SPTBN1: variants seen among roughly 807,000 people sequenced by gnomAD.
The protein encoded by SPTBN1 is spectrin beta chain, non-erythrocytic 1.
Under a neutral mutation model 266.4 loss-of-function variants are expected in SPTBN1, and 32 were observed. That is an observed-to-expected ratio of 0.12 (90% confidence interval 0.09 to 0.16). The LOEUF (loss-of-function observed/expected upper bound fraction) is 0.16. Ranked by LOEUF, SPTBN1 falls within the 10% of genes least tolerant of loss-of-function variation. The pLI is 1.00. For synonymous variants in SPTBN1, 1,336 were observed against 1,162.2 expected, an observed-to-expected ratio of 1.15 and a Z score of -3.04; for missense variants, 2,296 against 3,067.1, an observed-to-expected ratio of 0.75 and a Z score of 5.94.
chr2:54,608,484 A>C (rs1391382505), intron 3 of SPTBN1, among the ~76,000 whole-genome samples: 7 of 152,160 alleles, frequency 4.6e-5, no homozygotes, highest in Admixed American at 2.6e-4. Context: ...ATGATGGGTC[A>C]CAGGCTGAGT....
chr2:54,614,860 T>C (rs764270388), intron 4 of SPTBN1, among the ~76,000 whole-genome samples: 12 of 152,114 alleles, frequency 7.9e-5, no homozygotes, highest in Middle Eastern at 3.4e-3. Context: ...TTGCCTAGTT[T>C]AAATAGGGAG....
In SPTBN1 at chr2:54,668,697, A is replaced by G; in HGVS notation, c.*128A>G. On this transcript the variant is annotated 3_prime_UTR_variant, in exon 36 of 36. Transcript: ENST00000356805. The stretch of plus-strand genomic sequence containing the variant: ...TGTGGTTGATTTTTTTTTTTTTTTA[A>G]TTTATAGAGCATTTCGGGGGGGGTG... The G allele has an allele frequency of 1.4e-6, 1 of 729,312 alleles. No homozygotes were observed. 45.2% of individuals were successfully genotyped at this position (729,312 alleles called of 1,614,324 possible).
chr2:54,521,870 T>A (rs1463406440), intron 1 of SPTBN1, among the ~76,000 whole-genome samples: 1 of 152,112 alleles, frequency 6.6e-6, no homozygotes, highest in African/African-American at 2.4e-5. Flanking sequence ...ATAATTTGGA[T>A]ACTTTGACTT....
At chr2:54,543,334 T>G (rs1672045749) in intron 2 of SPTBN1, among the ~76,000 whole-genome samples, 1 of 152,220 alleles carries the variant, frequency 6.6e-6, no homozygotes, top group African/African-American at 2.4e-5. Flanking sequence ...ATTATAACAT[T>G]TCATTATGGA....
At position 54,533,868 on chromosome 2, in the gene SPTBN1, G is replaced by T. The variant is rs187831841; in HGVS notation, c.148+7302G>T. On this transcript the variant is annotated intron_variant, in intron 2 of 35. Coordinates refer to ENST00000356805, the MANE Select transcript of SPTBN1 (RefSeq NM_003128.3). The surrounding 1 kb of genome is among the most constrained non-coding windows in gnomAD (Gnocchi z 4.2). ...GCCCGGCCTGCTGTAGTAATTTAGG[G>T]GGAAAGATTGATCTCTCTCTCTGTC... Among the ~76,000 whole-genome samples the T allele has an allele frequency of 6.6e-6, 1 of 151,424 alleles. No homozygotes were observed. Among genetic ancestry groups the T allele is most frequent in the Admixed American group, 6.6e-5 (1 of 15,204 alleles).
intron 2 of SPTBN1, among the ~76,000 whole-genome samples, chr2:54,575,941 T>G (rs546837717): frequency 1.3e-5 from 2 of 151,546 alleles, no homozygotes; most frequent in African/African-American, 4.9e-5. Flanking sequence ...GTTGGATGAG[T>G]GGTTAAAGCA....
In SPTBN1 at chr2:54,522,699, GAA is replaced by G. The variant is rs1491211093; in HGVS notation, c.-47-3671_-47-3670del. ...GAGAGGAGAGAGAGAGAGAGAGAGAGAAAGAAAGAAAGGAAAGAAAGAAAGAA... is the reference window on the plus strand; with the variant it reads ...GAGAGGAGAGAGAGAGAGAGAGAGAGAGAAAGAAAGGAAAGAAAGAAAGAA... On this transcript the variant is annotated intron_variant, in intron 1 of 35. Coordinates refer to ENST00000356805, the MANE Select transcript of SPTBN1 (RefSeq NM_003128.3). Among the ~76,000 whole-genome samples, 10 of 131,576 alleles carry G rather than the reference GAA, an allele frequency of 7.6e-5. 1 individual carries two copies. The highest frequency in any genetic ancestry group is 2.4e-4 in the South Asian group (1 of 4,218). The allele number at this position is 131,576 out of a possible 152,430, so 86.3% of individuals were successfully genotyped here.
At chr2:54,503,955 G>A (rs1173169366) in intron 1 of SPTBN1, among the ~76,000 whole-genome samples, 2 of 152,190 alleles carry the variant, frequency 1.3e-5, no homozygotes, top group East Asian at 3.8e-4. Flanking sequence ...TTCAGGTGTA[G>A]TATTTTGATT....
chr2:54,600,291 G>C (rs1676409531), intron 3 of SPTBN1, among the ~76,000 whole-genome samples: 1 of 152,156 alleles, frequency 6.6e-6, no homozygotes, highest in Non-Finnish European at 1.5e-5. Context: ...TCTCTTCCCT[G>C]CCCTTCAGTT....
At chr2:54,612,031 T>C (rs1233028539) in intron 3 of SPTBN1, 130 bp from the exon 4 acceptor site, 1 of 906,998 alleles carries the variant, frequency 1.1e-6, no homozygotes, top group Non-Finnish European at 1.7e-6. Context: ...AATGAGTACA[T>C]GTGTTTGTTA....
rs1245216768 is a variant in SPTBN1 at position 54,664,862 on chromosome 2, G to A, written c.6659+171G>A. 1.5e-6 allele frequency: 1 copy of A among 680,020 alleles called. No homozygotes were observed. Among genetic ancestry groups the A allele is most frequent in the Non-Finnish European group, 2.4e-6 (1 of 412,728 alleles). 42.1% of individuals were successfully genotyped at this position (680,020 alleles called of 1,614,324 possible). On this transcript the variant is annotated intron_variant, in intron 33 of 35. Coordinates refer to ENST00000356805, the MANE Select transcript of SPTBN1 (RefSeq NM_003128.3). This position sits in a 1 kb window ranked among gnomAD's most constrained non-coding sequence, Gnocchi z 5.6. ...TGACGCTGGAAAGCAGGAGTAGAAT[G>A]CTGGTTATTCACTGAGAGAAGAAGA...
At chr2:54,584,656 A>C (rs1675163965) in intron 2 of SPTBN1, among the ~76,000 whole-genome samples, 1 of 152,144 alleles carries the variant, frequency 6.6e-6, no homozygotes, top group Non-Finnish European at 1.5e-5. Flanking sequence ...AGCCCTTCCC[A>C]CCCAGATCCA....
intron 2 of SPTBN1, chr2:54,535,037 T>TA (rs1378871605): frequency 6.6e-6 from 1 of 152,252 alleles, no homozygotes; most frequent in African/African-American, 2.4e-5. Context: ...GTCACTCACT[T>TA]ACTTTTGAGG....
chr2:54,478,238 T>A (rs903566093), intron 1 of SPTBN1, among the ~76,000 whole-genome samples: 23 of 152,220 alleles, frequency 1.5e-4, no homozygotes, highest in Middle Eastern at 3.4e-3. Context: ...TTTCACTCTC[T>A]TATGAGAACG....
chr2:54,574,577 G>C (rs1674328597), intron 2 of SPTBN1, among the ~76,000 whole-genome samples: 1 of 152,204 alleles, frequency 6.6e-6, no homozygotes, highest in Admixed American at 6.5e-5. Flanking sequence ...TTCTCACCCA[G>C]GGTCAGAAAG....
chr2:54,488,921 G>A (rs1158775524), intron 1 of SPTBN1, among the ~76,000 whole-genome samples: 1 of 151,944 alleles, frequency 6.6e-6, no homozygotes, highest in Non-Finnish European at 1.5e-5. Flanking sequence ...TATTATCAGA[G>A]ACTAAAATAA....
intron 28 of SPTBN1, 115 bp downstream of exon 28, chr2:54,655,323 T>TA (rs1680579408): frequency 7.5e-7 from 1 of 1,340,610 alleles, no homozygotes; most frequent in Non-Finnish European, 1.0e-6. Context: ...CACACACACA[T>TA]ATGTTTTAAA....
rs934471581 is a variant in SPTBN1, at chr2:54,669,381, A to C, written c.*812A>C. 3 of 152,642 alleles carry C rather than the reference A, an allele frequency of 2.0e-5. No homozygotes were observed. Among genetic ancestry groups the C allele is most frequent in the Non-Finnish European group, 2.9e-5 (2 of 68,042 alleles). 9.5% of individuals were successfully genotyped at this position (152,642 alleles called of 1,614,324 possible). A position where few individuals can be genotyped will look rare whatever the true frequency, so the allele number is the denominator to read the frequency against. ...TGGAACTGAAGCATTTACTGGACAAAGTAATGTTACTCTAATGGTTACTTG... is the reference window on the plus strand; with the variant it reads ...TGGAACTGAAGCATTTACTGGACAACGTAATGTTACTCTAATGGTTACTTG... On this transcript the variant is annotated 3_prime_UTR_variant, in exon 36 of 36. Transcript: ENST00000356805.
At chr2:54,539,042 C>A (rs955250437) in intron 2 of SPTBN1, among the ~76,000 whole-genome samples, 24 of 152,178 alleles carry the variant, frequency 1.6e-4, no homozygotes, top group African/African-American at 5.5e-4. Context: ...CAAGAAACTT[C>A]CTTGGCCCTT....
Sources: gnomAD v4.1 joint callset for allele counts (sites outside exome capture counted in the v4.1 genomes callset) on GRCh38, gnomAD v4.1.1 for gene constraint, Gnocchi (gnomAD v3.1) non-coding constraint, MANE v1.5 for transcripts, NCBI Gene and HGNC (gene_info 2026-07-23, HGNC 2026-07-21) for gene names.